RBFOX2: variants seen among roughly 807,000 people sequenced by gnomAD.
RBFOX2 encodes RNA binding protein fox-1 homolog 2.
A neutral mutation model predicts 49.1 loss-of-function variants in RBFOX2; 10 were observed. The ratio of observed to expected loss-of-function variants is 0.20; its 90% CI spans 0.13 to 0.35. The LOEUF (loss-of-function observed/expected upper bound fraction) is 0.35, where lower values mean the gene tolerates loss of function less well. Ranked by LOEUF, RBFOX2 falls within the 10% of genes least tolerant of loss-of-function variation. RBFOX2 has a pLI of 1.00. For synonymous variants in RBFOX2, 183 were observed against 187.4 expected (o/e 0.98, Z 0.19); for missense variants, 323 against 486.9 (o/e 0.66, Z 3.17).
At chr22:35,973,822 G>A (rs1158204808) in intron 1 of RBFOX2, among the ~76,000 whole-genome samples, 1 of 152,206 alleles carries the variant, frequency 6.6e-6, no homozygotes, top group African/African-American at 2.4e-5. Flanking sequence ...TGAAGGATGA[G>A]TGGGTTCCTT....
chr22:36,002,246 C>T (rs1331891378), intron 1 of RBFOX2, among the ~76,000 whole-genome samples: 1 of 152,112 alleles, frequency 6.6e-6, no homozygotes, highest in Non-Finnish European at 1.5e-5. Flanking sequence ...AACACAATTC[C>T]ACTTCTCAGA....
intron 1 of RBFOX2, among the ~76,000 whole-genome samples, chr22:35,901,518 G>A (rs915854640): frequency 6.6e-6 from 1 of 152,070 alleles, no homozygotes; most frequent in Admixed American, 6.5e-5. Context: ...AAACGACAGA[G>A]ATAGGGTTTG....
intron 1 of RBFOX2, among the ~76,000 whole-genome samples, chr22:35,968,018 C>A (rs147045979): frequency 5.4e-4 from 82 of 152,258 alleles, no homozygotes; most frequent in Non-Finnish European, 1.0e-3. Flanking sequence ...TGCTTTCACA[C>A]ACCCACACAA....
intron 1 of RBFOX2, among the ~76,000 whole-genome samples, chr22:35,979,388 C>A (rs943757553): frequency 7.9e-5 from 12 of 152,130 alleles, no homozygotes; most frequent in Admixed American, 2.0e-4. Flanking sequence ...TCGCGTTGTA[C>A]TAATATTGAT....
intron 3 of RBFOX2, among the ~76,000 whole-genome samples, chr22:35,779,446 G>C (rs918831017): frequency 6.6e-6 from 1 of 152,152 alleles, no homozygotes; most frequent in African/African-American, 2.4e-5. Context: ...CAAAAAACTT[G>C]TATTAATAAC....
At chr22:35,947,516 T>C (rs1301283416) in intron 1 of RBFOX2, among the ~76,000 whole-genome samples, 3 of 151,548 alleles carry the variant, frequency 2.0e-5, no homozygotes, top group African/African-American at 4.8e-5. Context: ...ATTGTTATCA[T>C]AGAAAATGAC....
chr22:35,874,817 C>T (rs2044807314), intron 1 of RBFOX2, among the ~76,000 whole-genome samples: 1 of 152,028 alleles, frequency 6.6e-6, no homozygotes, highest in Admixed American at 6.6e-5. Flanking sequence ...TGTTTGTGTC[C>T]CCCCAACTCC....
At chr22:35,860,066 T>C (rs1377172430) in intron 1 of RBFOX2, among the ~76,000 whole-genome samples, 1 of 152,230 alleles carries the variant, frequency 6.6e-6, no homozygotes. Flanking sequence ...TAATACCTTT[T>C]TGGTGAACTA....
At chr22:35,865,882 T>A (rs571857230) in intron 1 of RBFOX2, among the ~76,000 whole-genome samples, 1 of 152,182 alleles carries the variant, frequency 6.6e-6, no homozygotes, top group Non-Finnish European at 1.5e-5. Context: ...AAAAGGCAGC[T>A]ATGCCATGAA....
chr22:35,960,758 T>C (rs2056109665), intron 1 of RBFOX2, among the ~76,000 whole-genome samples: 2 of 152,296 alleles, frequency 1.3e-5, no homozygotes, highest in South Asian at 2.1e-4. Flanking sequence ...AGAAACCTAG[T>C]GTCTTTCAAA....
At chr22:35,804,931 GT>G (rs1333323449) in intron 2 of RBFOX2, among the ~76,000 whole-genome samples, 1 of 152,120 alleles carries the variant, frequency 6.6e-6, no homozygotes, top group Non-Finnish European at 1.5e-5. Flanking sequence ...ATAACGGACT[GT>G]TATCCAAAAT....
chr22:35,770,487 CAT>C (rs1205374621), intron 4 of RBFOX2, among the ~76,000 whole-genome samples: 1 of 152,026 alleles, frequency 6.6e-6, no homozygotes, highest in Non-Finnish European at 1.5e-5. Context: ...AAAGAATAGA[CAT>C]ATTGGTTTCA....
chr22:35,926,281 A>G (rs934804500), intron 1 of RBFOX2, among the ~76,000 whole-genome samples: 3 of 152,236 alleles, frequency 2.0e-5, no homozygotes, highest in African/African-American at 7.2e-5. Flanking sequence ...TACAGCAAGA[A>G]TATCCCTACT....
At chr22:35,887,621 C>T (rs2046750944) in intron 1 of RBFOX2, among the ~76,000 whole-genome samples, 2 of 152,108 alleles carry the variant, frequency 1.3e-5, no homozygotes, top group African/African-American at 2.4e-5. Flanking sequence ...CTTCCCAATA[C>T]TGCTTCCAAA....
At chr22:36,021,486 C>T (rs1003543254) in intron 1 of RBFOX2, among the ~76,000 whole-genome samples, 2 of 151,710 alleles carry the variant, frequency 1.3e-5, no homozygotes, top group Non-Finnish European at 2.9e-5. Context: ...AAGTGACAAA[C>T]GATCACAACT....
At chr22:35,979,166 A>G (rs1211167274) in intron 1 of RBFOX2, among the ~76,000 whole-genome samples, 1 of 152,208 alleles carries the variant, frequency 6.6e-6, no homozygotes, top group Non-Finnish European at 1.5e-5. Context: ...TACTGCTGTC[A>G]TGAAGAAACA....
chr22:35,975,330 AG>A lies in RBFOX2; in HGVS notation c.187-36434del, dbSNP rs527788140. Among the ~76,000 whole-genome samples the A allele has an allele frequency of 2.4e-3, 369 of 152,350 alleles. 2 individuals carry two copies. The highest frequency in any genetic ancestry group is 6.8e-3 in the Middle Eastern group (2 of 294). ...AAAGCTTTGTTCACCACACAATCCT[AG>A]GGATTAACACAGCTCACTTACTAGT... On this transcript the variant is annotated intron_variant, in intron 1 of 13. Transcript: ENST00000438146.
chr22:36,007,686 G>C (rs1172166015), intron 1 of RBFOX2, among the ~76,000 whole-genome samples: 4 of 152,096 alleles, frequency 2.6e-5, no homozygotes, highest in Non-Finnish European at 4.4e-5. Flanking sequence ...GCTCCTCCGA[G>C]GAGGCAACCG....
upstream of RBFOX2, among the ~76,000 whole-genome samples, chr22:35,963,703 C>CA (rs2056393576): frequency 6.6e-6 from 1 of 152,036 alleles, no homozygotes; most frequent in Non-Finnish European, 1.5e-5. Context: ...ATCGCTATTT[C>CA]AAAAAAATAA....
Sources: gnomAD v4.1 joint callset for allele counts (sites outside exome capture counted in the v4.1 genomes callset) on GRCh38, gnomAD v4.1.1 for gene constraint, MANE v1.5 for transcripts, NCBI Gene and HGNC (gene_info 2026-07-23, HGNC 2026-07-21) for gene names.